RNF17: variants seen among roughly 807,000 people sequenced by gnomAD.
The protein encoded by RNF17 is spermatogenesis associated 23.
A neutral mutation model predicts 200.5 loss-of-function variants in RNF17; 31 were observed. The observed-to-expected ratio is 0.15, with a 90% confidence interval of 0.12 to 0.21. RNF17 has a LOEUF of 0.21. RNF17 is among the 10% of genes least tolerant of loss of function. RNF17 has a pLI of 1.00. For synonymous variants in RNF17, 606 were observed against 637.8 expected (o/e 0.95, Z 0.75); for missense variants, 1,628 against 1,905.1 (o/e 0.85, Z 2.71).
rs944885240 is a variant in RNF17 at position 24,824,152 on chromosome 13, T to A, written c.2092-1467T>A. ...TACCATTTAGAAAATTGCTTTTACTTCATTAGGCTTCTTGGTTACTGTAAA... is the reference window on the plus strand; with the variant it reads ...TACCATTTAGAAAATTGCTTTTACTACATTAGGCTTCTTGGTTACTGTAAA... On this transcript the variant is annotated intron_variant, in intron 15 of 35. Coordinates refer to ENST00000255324, the MANE Select transcript of RNF17 (RefSeq NM_031277.3). 4.2e-6 allele frequency: 3 copies of A among 707,960 alleles called. No individual in the cohort carries two copies. In the African/African-American group the frequency reaches 5.3e-5, roughly 12 times the overall value. The allele number at this position is 707,960 out of a possible 1,614,324, so 43.9% of individuals were successfully genotyped here.
At position 24,779,764 on chromosome 13, in the gene RNF17, A is replaced by G. The variant is rs745346502; in HGVS notation, c.510+17A>G. The G allele has an allele frequency of 6.3e-7, 1 of 1,578,862 alleles. No individual in the cohort carries two copies. Among genetic ancestry groups the G allele is most frequent in the Non-Finnish European group, 8.7e-7 (1 of 1,148,134 alleles). On this transcript the variant is annotated intron_variant, in intron 5 of 35. Transcript: ENST00000255324. ...GCTGGAAAAGTAAGCACTTTGCAGGATTAAATTCTATCATGAAGTGAAGCA... is the reference window on the plus strand; with the variant it reads ...GCTGGAAAAGTAAGCACTTTGCAGGGTTAAATTCTATCATGAAGTGAAGCA...
chr13:24,843,926 A>G lies in RNF17; in HGVS notation c.2786A>G (p.Glu929Gly). The change falls in exon 20 of 36, where the codon GAG becomes GGG. Residue 929 changes from glutamate to glycine, a missense_variant. Physicochemically the swap from Glu to Gly is moderately conservative, Grantham distance 98 (BLOSUM62 -2). Around this residue, in one of 5 missense-constraint regions of RNF17, gnomAD observed 227 missense variants for 319.8 expected, o/e 0.71. Transcript: ENST00000255324. ...CATATCTGTAATGTAATATCTCCTG[A>G]GAAGATTTATGTTCAGTGGTTGTTA... ...PVHICNVISP[E>G]KIYVQWLLTE... The G allele has an allele frequency of 6.4e-7, 1 of 1,572,874 alleles. No individual in the cohort carries two copies. Among genetic ancestry groups the G allele is most frequent in the Non-Finnish European group, 8.6e-7 (1 of 1,156,776 alleles).
At position 24,802,416 on chromosome 13, in the gene RNF17, T is replaced by C; in HGVS notation, c.1794T>C (p.Phe598=). 2 of 1,613,410 alleles carry C rather than the reference T, an allele frequency of 1.2e-6. No individual in the cohort carries two copies. The highest frequency in any genetic ancestry group is 1.7e-6 in the Non-Finnish European group (2 of 1,179,810). The part of the protein sequence containing the change: ...EGWEEEAKVE[F]LKMVNNKAVS... ...GGGAAGAGGAAGCTAAAGTGGAATT[T>C]TTGAAAATGGTAAATAACAAGGCTG... The change falls in exon 14 of 36, where the codon TTT becomes TTC. Residue 598 remains phenylalanine, a synonymous_variant. Transcript: ENST00000255324.
chr13:24,870,782 C>G (rs762936117), intron 32 of RNF17, 43 bp downstream of exon 32: 1 of 1,566,812 alleles, frequency 6.4e-7, no homozygotes, highest in Non-Finnish European at 8.7e-7. Context: ...CTTAATAAAA[C>G]TTGGATTTTG....
At chr13:24,757,604 A>T in the RNF17 span, among the ~76,000 whole-genome samples, 1 of 152,220 alleles carries the variant, frequency 6.6e-6, no homozygotes, top group South Asian at 2.1e-4. Flanking sequence ...GATTACAGGC[A>T]TGAGCCACTG....
intron 15 of RNF17, among the ~76,000 whole-genome samples, chr13:24,808,582 G>A (rs374686142): frequency 3.8e-4 from 45 of 117,032 alleles, no homozygotes; most frequent in Middle Eastern, 3.7e-3. Context: ...CAATCATGTC[G>A]TCTGCAAACA....
chr13:24,887,447 C>G, the RNF17 span, among the ~76,000 whole-genome samples: 1 of 152,292 alleles, frequency 6.6e-6, no homozygotes, highest in East Asian at 1.9e-4. Context: ...CCTGTCAGAT[C>G]AGCAGTGGCA....
Position 24,779,692 on chromosome 13 carries a change from A to T in RNF17, c.455A>T (p.Asp152Val). ...GACACTAATACTGCAGAAGAAATTGATGAAGCATTGAATACAGCACACCAT... is the reference window on the plus strand; with the variant it reads ...GACACTAATACTGCAGAAGAAATTGTTGAAGCATTGAATACAGCACACCAT... ...MLDTNTAEEI[D>V]EALNTAHHSF... Residue 152 changes from aspartate (D) to valine (V), a missense_variant, in exon 5 of 36, where the codon GAT (aspartate) becomes GTT (valine). By Grantham distance (152) the Asp-to-Val change is radical. Coordinates refer to ENST00000255324, the MANE Select transcript of RNF17 (RefSeq NM_031277.3). The T allele has an allele frequency of 1.2e-6, 2 of 1,613,380 alleles. No individual in the cohort carries two copies. Among genetic ancestry groups the T allele is most frequent in the South Asian group, 2.2e-5 (2 of 91,052 alleles).
downstream of RNF17, chr13:24,884,161 C>CTATT (rs754918133): frequency 5.0e-6 from 8 of 1,613,866 alleles, no homozygotes; most frequent in Non-Finnish European, 6.8e-6. Context: ...AAGTTTGTAC[C>CTATT]TATTTGTCCA....
intron 32 of RNF17, 75 bp downstream of exon 32, chr13:24,870,814 G>A: frequency 8.3e-7 from 1 of 1,206,412 alleles, no homozygotes; most frequent in Non-Finnish European, 1.2e-6. Flanking sequence ...TGATGACCTT[G>A]GGCTATCTCT....
chr13:24,805,969 C>A (rs1885801695), intron 15 of RNF17, among the ~76,000 whole-genome samples: 1 of 151,872 alleles, frequency 6.6e-6, no homozygotes, highest in Non-Finnish European at 1.5e-5. Context: ...ATACATGTGC[C>A]ATGGTGGTTT....
chr13:24,749,684 CAGACA>C, the RNF17 span, among the ~76,000 whole-genome samples: 6 of 152,058 alleles, frequency 3.9e-5, no homozygotes, highest in Non-Finnish European at 8.8e-5. Flanking sequence ...AGCTAATGGC[CAGACA>C]AAAGGATGAG....
intron 19 of RNF17, 125 bp downstream of exon 19, chr13:24,842,286 C>T (rs1890721552): frequency 1.3e-6 from 1 of 774,634 alleles, no homozygotes; most frequent in South Asian, 2.6e-5. Context: ...TGAGAATTTT[C>T]CCTGTCCTGG....
intron 8 of RNF17, 37 bp downstream of exon 8, chr13:24,789,461 T>C (rs1424521791): frequency 7.2e-7 from 1 of 1,382,626 alleles, no homozygotes; most frequent in South Asian, 1.2e-5. Context: ...ATAACAAGTA[T>C]AAAGATGTGC....
chr13:24,864,980 T>G lies in RNF17; in HGVS notation c.4083T>G (p.Thr1361=). Residue 1361 remains threonine (T), a synonymous_variant, in exon 29 of 36, where the codon ACT becomes ACG. Transcript: ENST00000255324. ...ATAAATACTGTACTTCTGAACATAC[T>G]GAGGAGATGTTGAAAGAAGTAAGTG... ...AYYKYCTSEH[T]EEMLKEKPRS... 1 of 1,555,608 alleles carries G rather than the reference T, an allele frequency of 6.4e-7. No individual in the cohort carries two copies. Among genetic ancestry groups the G allele is most frequent in the Non-Finnish European group, 8.7e-7 (1 of 1,150,956 alleles).
intron 28 of RNF17, among the ~76,000 whole-genome samples, 160 bp from the exon 29 acceptor site, chr13:24,864,713 G>A (rs1011603596): frequency 2.6e-5 from 4 of 152,008 alleles, no homozygotes; most frequent in Non-Finnish European, 5.9e-5. Flanking sequence ...CCCTTATAGC[G>A]CGTCAAAATA....
intron 13 of RNF17, 50 bp from the exon 14 acceptor site, chr13:24,802,331 A>T: frequency 6.8e-7 from 1 of 1,470,906 alleles, no homozygotes. Context: ...ACATTGTAAC[A>T]TTAGCGATAC....
At chr13:24,876,920 T>TCAAA in intron 33 of RNF17, 77 bp from the exon 34 acceptor site, 1 of 1,183,844 alleles carries the variant, frequency 8.4e-7, no homozygotes, top group Non-Finnish European at 1.2e-6. Context: ...ATGAAGCGTT[T>TCAAA]CCCCTATGTT....
chr13:24,883,168 T>C, downstream of RNF17: 1 of 1,611,702 alleles, frequency 6.2e-7, no homozygotes, highest in Non-Finnish European at 8.5e-7. Context: ...CATGATCACA[T>C]GAGGATCGTC....
Sources: allele counts gnomAD v4.1 joint callset (sites outside exome capture counted in the v4.1 genomes callset), GRCh38; gene constraint gnomAD v4.1.1; regional missense constraint gnomAD v4.1.1; transcripts MANE v1.5; gene names NCBI Gene and HGNC (gene_info 2026-07-23, HGNC 2026-07-21).